The following UNC5D variants were observed in gnomAD, a reference collection of about 807,000 sequenced individuals.
UNC5D encodes unc-5 netrin receptor D, also known as netrin receptor UNC5D.
Under a neutral mutation model 105.4 loss-of-function variants are expected in UNC5D, and 39 were observed. The observed-to-expected ratio is 0.37, with a 90% CI of 0.29 to 0.48. The LOEUF (loss-of-function observed/expected upper bound fraction) is 0.48. Among genes scored for constraint, UNC5D ranks in the 20% least tolerant of loss-of-function variants. UNC5D has a pLI of 0.98. For missense variants in UNC5D, 991 were observed against 1,202.4 expected, an observed-to-expected ratio of 0.82 and a Z score of 2.60; for synonymous variants, 452 against 450.4, an observed-to-expected ratio of 1.00 and a Z score of -0.04.
chr8:35,478,865 C>T (rs922423368), intron 1 of UNC5D, among the ~76,000 whole-genome samples: 1 of 152,090 alleles, frequency 6.6e-6, no homozygotes, highest in African/African-American at 2.4e-5. Flanking sequence ...CACTGCAGCT[C>T]CTAATTCTTA....
At position 35,489,552 on chromosome 8, in the gene UNC5D, C is replaced by T. The variant is rs141817257; in HGVS notation, c.104-59740C>T. Among the ~76,000 whole-genome samples, 6 of 152,218 alleles carry T rather than the reference C, an allele frequency of 3.9e-5. No homozygotes were observed. The East Asian group carries it at 1.2e-3, about 29-fold the overall frequency. ...GGGATGTGCAGACACAGAGGAAAAGCCAAGTGAGGACACGCAGGAAAAATA... is the reference window on the plus strand; with the variant it reads ...GGGATGTGCAGACACAGAGGAAAAGTCAAGTGAGGACACGCAGGAAAAATA... On this transcript the variant is annotated intron_variant, in intron 1 of 16. Coordinates refer to ENST00000404895, the MANE Select transcript of UNC5D (RefSeq NM_080872.4).
intron 1 of UNC5D, among the ~76,000 whole-genome samples, chr8:35,287,554 G>C (rs751397810): frequency 4.2e-5 from 2 of 47,902 alleles, no homozygotes; most frequent in Admixed American, 3.2e-4. Context: ...CAGTACTTTG[G>C]GGGGCTGAGG....
At chr8:35,552,338 ACAC>A (rs150423747) in intron 2 of UNC5D, among the ~76,000 whole-genome samples, 22,540 of 152,116 alleles carry the variant, frequency 0.15, 2,096 homozygotes, top group Admixed American at 0.25. Flanking sequence ...AATTTCTTCA[ACAC>A]CATGAGTCAC....
At chr8:35,279,959 G>A (rs1563275254) in intron 1 of UNC5D, among the ~76,000 whole-genome samples, 1 of 152,108 alleles carries the variant, frequency 6.6e-6, no homozygotes, top group Non-Finnish European at 1.5e-5. Context: ...AAAGGTCCAA[G>A]CATATGAACA....
chr8:35,792,821 G>A lies in UNC5D; in HGVS notation c.*2258G>A, dbSNP rs776839720. 8.8e-6 allele frequency: 3 copies of A among 339,066 alleles called. No individual in the cohort carries two copies. The highest frequency in any genetic ancestry group is 1.0e-3 in the Middle Eastern group (1 of 986). The allele number at this position is 339,066 out of a possible 1,614,324, so 21.0% of individuals were successfully genotyped here. A position where few individuals can be genotyped will look rare whatever the true frequency, so the allele number is the denominator to read the frequency against. ...TTCATCTACTCTGTGAATCTACATAGGTCTTTTTTTTTAGATGTTTGATAC... is the reference window on the plus strand; with the variant it reads ...TTCATCTACTCTGTGAATCTACATAAGTCTTTTTTTTTAGATGTTTGATAC... On this transcript the variant is annotated 3_prime_UTR_variant, in exon 17 of 17. Coordinates refer to ENST00000404895, the MANE Select transcript of UNC5D (RefSeq NM_080872.4).
At chr8:35,737,935 A>C (rs1829559731) in intron 11 of UNC5D, among the ~76,000 whole-genome samples, 1 of 152,024 alleles carries the variant, frequency 6.6e-6, no homozygotes. Flanking sequence ...GGAAAAACCC[A>C]GTCTCTACTA....
intron 1 of UNC5D, among the ~76,000 whole-genome samples, chr8:35,398,758 TTTG>T (rs1464327475): frequency 1.5e-4 from 23 of 152,162 alleles, no homozygotes; most frequent in African/African-American, 5.1e-4. Context: ...GGCTTGTGGT[TTTG>T]TTAGTGATTT....
At chr8:35,743,840 C>T (rs1035009814) in intron 11 of UNC5D, among the ~76,000 whole-genome samples, 10 of 152,084 alleles carry the variant, frequency 6.6e-5, no homozygotes, top group African/African-American at 2.4e-4. Flanking sequence ...CTAGATACTT[C>T]CATGTATATA....
At chr8:35,344,644 C>T (rs985948444) in intron 1 of UNC5D, among the ~76,000 whole-genome samples, 4 of 152,118 alleles carry the variant, frequency 2.6e-5, no homozygotes, top group Admixed American at 6.6e-5. Flanking sequence ...CTACACTTCC[C>T]CATTTACAAT....
At chr8:35,486,945 G>A (rs1367480431) in intron 1 of UNC5D, among the ~76,000 whole-genome samples, 1 of 152,136 alleles carries the variant, frequency 6.6e-6, no homozygotes, top group African/African-American at 2.4e-5. Flanking sequence ...GGGATTCTCA[G>A]TTTTAAGGCT....
intron 4 of UNC5D, among the ~76,000 whole-genome samples, chr8:35,657,080 G>GTGTGTGTATATA (rs1281641556): frequency 1.9e-4 from 9 of 46,514 alleles, no homozygotes; most frequent in African/African-American, 5.7e-4. Flanking sequence ...GTGTGTGTGT[G>GTGTGTGTATATA]TATATATATA....
intron 13 of UNC5D, among the ~76,000 whole-genome samples, chr8:35,755,244 T>C (rs1830461619): frequency 6.6e-6 from 1 of 152,132 alleles, no homozygotes; most frequent in Non-Finnish European, 1.5e-5. Context: ...ATCTATCTTA[T>C]CTAAGAAAGA....
intron 1 of UNC5D, among the ~76,000 whole-genome samples, chr8:35,324,320 T>C (rs1190527574): frequency 6.6e-6 from 1 of 151,504 alleles, no homozygotes; most frequent in African/African-American, 2.4e-5. Context: ...ATTTATTGAG[T>C]GCTTCCTATG....
At chr8:35,783,199 T>A (rs1229835655) in intron 16 of UNC5D, among the ~76,000 whole-genome samples, 3 of 152,072 alleles carry the variant, frequency 2.0e-5, no homozygotes, top group Admixed American at 6.5e-5. Flanking sequence ...CAACATTTTT[T>A]AAACAGTTAA....
intron 1 of UNC5D, among the ~76,000 whole-genome samples, chr8:35,437,796 C>T (rs1254912470): frequency 2.0e-5 from 3 of 151,182 alleles, no homozygotes; most frequent in Admixed American, 6.6e-5. Flanking sequence ...ACCTTTTCTG[C>T]GAGAAATGGT....
intron 1 of UNC5D, among the ~76,000 whole-genome samples, chr8:35,509,803 G>A (rs1028187583): frequency 1.3e-5 from 2 of 151,918 alleles, no homozygotes; most frequent in Non-Finnish European, 2.9e-5. Context: ...CCACACAATT[G>A]TCTCCACTTC....
rs543508479 is a variant in UNC5D, at chr8:35,610,603, G to T, written c.570+14946G>T. On this transcript the variant is annotated intron_variant, in intron 4 of 16. Coordinates refer to ENST00000404895, the MANE Select transcript of UNC5D (RefSeq NM_080872.4). ...TTGATGCTATCCTAGGAGATCGGATGCCTAGAGTTACATAGAAGAGGCCAT... is the reference window on the plus strand; with the variant it reads ...TTGATGCTATCCTAGGAGATCGGATTCCTAGAGTTACATAGAAGAGGCCAT... Among the ~76,000 whole-genome samples, 199 of 152,222 alleles carry T rather than the reference G, an allele frequency of 1.3e-3. 1 individual carries two copies. The highest frequency in any genetic ancestry group is 4.6e-3 in the African/African-American group (193 of 41,510).
chr8:35,487,372 A>G (rs368176549), intron 1 of UNC5D, among the ~76,000 whole-genome samples: 3 of 152,054 alleles, frequency 2.0e-5, no homozygotes, highest in Admixed American at 2.0e-4. Flanking sequence ...ACCTCATCCA[A>G]TCAGTTGGAA....
chr8:35,384,048 T>C (rs1049304888), intron 1 of UNC5D, among the ~76,000 whole-genome samples: 10 of 151,990 alleles, frequency 6.6e-5, no homozygotes, highest in African/African-American at 2.4e-4. Flanking sequence ...ACCCTGTCTG[T>C]ACTAAAAATA....
Sources: gnomAD v4.1 joint callset for allele counts (sites outside exome capture counted in the v4.1 genomes callset) on GRCh38, gnomAD v4.1.1 for gene constraint, MANE v1.5 for transcripts, NCBI Gene and HGNC (gene_info 2026-07-23, HGNC 2026-07-21) for gene names.